Variants in SH3GL3 observed in about 807,000 individuals in gnomAD.
SH3GL3 encodes the protein endophilin-A3.
Under a neutral mutation model 47.7 loss-of-function variants are expected in SH3GL3, and 33 were observed. That is an observed-to-expected ratio of 0.69 (90% CI 0.52 to 0.92). The LOEUF (loss-of-function observed/expected upper bound fraction) is 0.92, where lower values mean the gene tolerates loss of function less well. SH3GL3 is among the 40% of genes least tolerant of loss of function. The probability of loss-of-function intolerance (pLI) is 0.00; values close to 1 mark genes in which losing one functional copy is unlikely to be tolerated. For synonymous variants in SH3GL3, 155 were observed against 148.8 expected (o/e 1.04, Z -0.30); for missense variants, 363 against 417.8 (o/e 0.87, Z 1.14).
At chr15:83,599,606 G>T (rs755611591) in intron 8 of SH3GL3, among the ~76,000 whole-genome samples, 1 of 152,130 alleles carries the variant, frequency 6.6e-6, no homozygotes. Context: ...ATGGGCATTT[G>T]GGCTGGTCCC....
At chr15:83,564,066 T>A (rs2045417913) in intron 2 of SH3GL3, among the ~76,000 whole-genome samples, 1 of 152,252 alleles carries the variant, frequency 6.6e-6, no homozygotes, top group Non-Finnish European at 1.5e-5. Flanking sequence ...TTGGTCTTTT[T>A]ATTTATGACA....
chr15:83,491,609 G>C (rs1320677471), intron 1 of SH3GL3, among the ~76,000 whole-genome samples: 6 of 152,210 alleles, frequency 3.9e-5, no homozygotes, highest in Non-Finnish European at 5.9e-5. Flanking sequence ...GTGCAAGTTG[G>C]TTTCAGAAGG....
the SH3GL3 span, among the ~76,000 whole-genome samples, chr15:83,625,001 C>CTGT: frequency 6.6e-6 from 1 of 152,154 alleles, no homozygotes; most frequent in Non-Finnish European, 1.5e-5. Flanking sequence ...TGGCTTATGC[C>CTGT]TGTAATCCTA....
intron 8 of SH3GL3, among the ~76,000 whole-genome samples, chr15:83,610,562 A>G (rs1171609443): frequency 6.6e-6 from 1 of 152,110 alleles, no homozygotes; most frequent in Admixed American, 6.5e-5. Context: ...AGAGAAAAGA[A>G]AGAAAAAGAA....
chr15:83,548,321 ATG>A (rs984204474), intron 1 of SH3GL3, among the ~76,000 whole-genome samples: 7 of 150,348 alleles, frequency 4.7e-5, no homozygotes, highest in Admixed American at 1.3e-4. Context: ...CCATTTATAT[ATG>A]TGTGTGTATA....
At chr15:83,467,770 G>C (rs2040633334) in intron 1 of SH3GL3, among the ~76,000 whole-genome samples, 1 of 152,086 alleles carries the variant, frequency 6.6e-6, no homozygotes, top group Non-Finnish European at 1.5e-5. Context: ...TAAATTTGTA[G>C]CTAAGTATTC....
At chr15:83,500,506 C>A (rs1318248253) in intron 1 of SH3GL3, among the ~76,000 whole-genome samples, 2 of 152,192 alleles carry the variant, frequency 1.3e-5, no homozygotes. Context: ...AGTGCCATAT[C>A]TCTCTCCACT....
At chr15:83,499,238 A>G (rs528050655) in intron 1 of SH3GL3, among the ~76,000 whole-genome samples, 7 of 152,212 alleles carry the variant, frequency 4.6e-5, no homozygotes, top group African/African-American at 1.7e-4. Context: ...AGTTAGCAGT[A>G]TTTTATTAAA....
chr15:83,612,829 C>G (rs2060704694), intron 8 of SH3GL3, among the ~76,000 whole-genome samples: 1 of 152,174 alleles, frequency 6.6e-6, no homozygotes, highest in South Asian at 2.1e-4. Context: ...TCTTCAAGCT[C>G]TAGTTCTTGG....
At chr15:83,537,310 C>T (rs139935072) in intron 1 of SH3GL3, among the ~76,000 whole-genome samples, 1 of 152,306 alleles carries the variant, frequency 6.6e-6, no homozygotes, top group African/African-American at 2.4e-5. Context: ...TGGGTACAGT[C>T]TTCAGCCTGG....
intron 1 of SH3GL3, among the ~76,000 whole-genome samples, chr15:83,485,689 G>T (rs993092736): frequency 3.3e-5 from 5 of 151,832 alleles, no homozygotes; most frequent in African/African-American, 1.2e-4. Context: ...TAGAGTCAGG[G>T]TCTCCCTATG....
intron 1 of SH3GL3, among the ~76,000 whole-genome samples, chr15:83,469,185 ATTCCTGATAATGGTAATTTTTGTC>A (rs1567244631): frequency 1.3e-5 from 2 of 152,022 alleles, no homozygotes; most frequent in African/African-American, 2.4e-5. Flanking sequence ...CTCATCTTTC[ATTCCTGATAATGGTAATTTTTGTC>A]TTCTCTTTTT....
At chr15:83,497,261 C>CTCT (rs1231100288) in intron 1 of SH3GL3, among the ~76,000 whole-genome samples, 1 of 152,122 alleles carries the variant, frequency 6.6e-6, no homozygotes, top group Non-Finnish European at 1.5e-5. Context: ...TACCTTCTTG[C>CTCT]CCCTTGTCTT....
chr15:83,625,377 T>C, the SH3GL3 span, among the ~76,000 whole-genome samples: 1 of 152,196 alleles, frequency 6.6e-6, no homozygotes, highest in African/African-American at 2.4e-5. Flanking sequence ...TTTACCTTTT[T>C]ATAGTGTCTG....
At chr15:83,503,410 A>G (rs900963223) in intron 1 of SH3GL3, among the ~76,000 whole-genome samples, 2 of 152,208 alleles carry the variant, frequency 1.3e-5, no homozygotes, top group African/African-American at 4.8e-5. Flanking sequence ...ATAATATGGA[A>G]AAACTACAAT....
chr15:83,602,677 G>A (rs2060417885), intron 8 of SH3GL3, among the ~76,000 whole-genome samples: 1 of 152,146 alleles, frequency 6.6e-6, no homozygotes, highest in African/African-American at 2.4e-5. Flanking sequence ...GAAATACACT[G>A]CATGTACCAG....
rs760838377 is a variant in SH3GL3, at chr15:83,568,655, G to A, written c.314G>A (p.Gly105Glu). 8.1e-6 allele frequency: 13 copies of A among 1,613,822 alleles called. No homozygotes were observed. Among genetic ancestry groups the A allele is most frequent in the Non-Finnish European group, 1.1e-5 (13 of 1,179,806 alleles). ...ATGCTGAAATACGGGAAGGAGCTCGGGGAAGACTCCACCTTTGGTGAGTTA... is the reference window on the plus strand; with the variant it reads ...ATGCTGAAATACGGGAAGGAGCTCGAGGAAGACTCCACCTTTGGTGAGTTA... ...DCMLKYGKEL[G>E]EDSTFGNALI... The change falls in exon 4 of 9, where the codon GGG becomes GAG. Residue 105 changes from glycine (G) to glutamate (E), a missense_variant. Transcript: ENST00000427482.
chr15:83,588,850 G>A (rs1426491640), intron 8 of SH3GL3, 79 bp downstream of exon 8: 1 of 786,520 alleles, frequency 1.3e-6, no homozygotes, highest in Non-Finnish European at 2.3e-6. Context: ...CTTGTTTCTG[G>A]GTCAGTGAAT....
chr15:83,534,173 T>C (rs565228362), intron 1 of SH3GL3, among the ~76,000 whole-genome samples: 2 of 152,328 alleles, frequency 1.3e-5, no homozygotes, highest in Admixed American at 6.5e-5. Context: ...ATTTTCTCTC[T>C]ATCTCATGTG....
Sources: allele counts gnomAD v4.1 joint callset (sites outside exome capture counted in the v4.1 genomes callset), GRCh38; gene constraint gnomAD v4.1.1; transcripts MANE v1.5; gene names NCBI Gene and HGNC (gene_info 2026-07-23, HGNC 2026-07-21).